The following RAB28 variants were observed in gnomAD, a reference collection of about 807,000 sequenced individuals.
The protein encoded by RAB28 is ras-related protein Rab-28.
Under a neutral mutation model 31.7 loss-of-function variants are expected in RAB28, and 24 were observed. The ratio of observed to expected loss-of-function variants is 0.76; its 90% CI spans 0.55 to 1.06. The LOEUF is 1.06. Ranked by LOEUF, RAB28 falls within the 50% of genes least tolerant of loss-of-function variation. The pLI is 0.00. For missense variants in RAB28, 254 were observed against 258.5 expected, an observed-to-expected ratio of 0.98 and a Z score of 0.12; for synonymous variants, 100 against 90.4, an observed-to-expected ratio of 1.11 and a Z score of -0.60.
intron 4 of RAB28, among the ~76,000 whole-genome samples, chr4:13,444,058 C>T (rs575531370): frequency 2.0e-5 from 3 of 149,158 alleles, no homozygotes; most frequent in East Asian, 2.0e-4. Context: ...GACGGAGTCT[C>T]GCTGTGTCAC....
chr4:13,457,758 T>C (rs1487263070), intron 4 of RAB28, among the ~76,000 whole-genome samples: 1 of 152,236 alleles, frequency 6.6e-6, no homozygotes, highest in African/African-American at 2.4e-5. Flanking sequence ...ATAGCCCATC[T>C]ACTCTAACAG....
chr4:13,429,429 A>G (rs1033495406), intron 4 of RAB28, among the ~76,000 whole-genome samples: 3 of 152,240 alleles, frequency 2.0e-5, no homozygotes, highest in Non-Finnish European at 4.4e-5. Context: ...CTAGTTCAGC[A>G]AGGTTGTAAA....
intron 4 of RAB28, among the ~76,000 whole-genome samples, chr4:13,416,693 T>C (rs1414069965): frequency 6.6e-6 from 1 of 152,232 alleles, no homozygotes; most frequent in Non-Finnish European, 1.5e-5. Flanking sequence ...TAATATTCTA[T>C]ATCTTGATAA....
rs780552021 is a variant in RAB28 at position 13,376,551 on chromosome 4, C to T, written c.567G>A (p.Gln189=). 1.2e-5 allele frequency: 19 copies of T among 1,598,796 alleles called. No individual in the cohort carries two copies. The highest frequency in any genetic ancestry group is 4.0e-5 in the African/African-American group (3 of 74,382). Reference sequence around the variant, plus strand: ...TAAAGTTCAAGGTAATCACCTGTGACTGTTCTATTTCTGCTTTGTTTAATT... The same window carrying T: ...TAAAGTTCAAGGTAATCACCTGTGATTGTTCTATTTCTGCTTTGTTTAATT... ...GIKLNKAEIE[Q]SQRVVKADIV... Residue 189 remains glutamine (Q), a synonymous_variant, in exon 6 of 7, where the codon CAG becomes CAA. Transcript: ENST00000330852.
At chr4:13,464,522 G>C (rs1715749000) in intron 3 of RAB28, among the ~76,000 whole-genome samples, 1 of 152,118 alleles carries the variant, frequency 6.6e-6, no homozygotes, top group South Asian at 2.1e-4. Context: ...AATATAGTAT[G>C]CTTCTCCTCC....
chr4:13,377,083 T>G (rs538198524), intron 5 of RAB28, among the ~76,000 whole-genome samples: 48 of 152,336 alleles, frequency 3.2e-4, no homozygotes, highest in African/African-American at 1.1e-3. Flanking sequence ...ATACTCTCTG[T>G]GCCTTTCATA....
At chr4:13,444,446 T>G (rs1714595989) in intron 4 of RAB28, among the ~76,000 whole-genome samples, 1 of 152,180 alleles carries the variant, frequency 6.6e-6, no homozygotes, top group Non-Finnish European at 1.5e-5. Context: ...ATAGGCAGAC[T>G]CCATATCTTG....
At chr4:13,460,026 T>A (rs563866319) in intron 4 of RAB28, 1 of 638,958 alleles carries the variant, frequency 1.6e-6, no homozygotes, top group African/African-American at 1.9e-5. Context: ...TCAAAACAGT[T>A]ATTGAAAAGA....
chr4:13,395,045 C>G (rs1729811660), intron 4 of RAB28, among the ~76,000 whole-genome samples: 1 of 152,100 alleles, frequency 6.6e-6, no homozygotes, highest in East Asian at 1.9e-4. Flanking sequence ...TAGAACTATG[C>G]TATCTGATTC....
At chr4:13,402,025 G>T (rs10023765) in intron 4 of RAB28, among the ~76,000 whole-genome samples, 5,620 of 152,246 alleles carry the variant, frequency 0.037, 175 homozygotes, top group African/African-American at 0.083. Context: ...TGTTTAGGAG[G>T]TGTTCAAATT....
At chr4:13,390,450 G>T (rs1729575849) in intron 4 of RAB28, among the ~76,000 whole-genome samples, 1 of 152,060 alleles carries the variant, frequency 6.6e-6, no homozygotes, top group Non-Finnish European at 1.5e-5. Context: ...TCCATGCTCA[G>T]GGATAGGAAG....
intron 4 of RAB28, among the ~76,000 whole-genome samples, chr4:13,457,480 T>C (rs1715358924): frequency 6.6e-6 from 1 of 152,176 alleles, no homozygotes; most frequent in Non-Finnish European, 1.5e-5. Context: ...AATATTTATC[T>C]ATAATCTCTT....
intron 4 of RAB28, among the ~76,000 whole-genome samples, chr4:13,392,385 G>A (rs571555295): frequency 6.6e-6 from 1 of 152,122 alleles, no homozygotes; most frequent in Non-Finnish European, 1.5e-5. Context: ...GATGACCTCT[G>A]TTATTATTTT....
chr4:13,414,192 T>C (rs1712618664), intron 4 of RAB28, among the ~76,000 whole-genome samples: 1 of 152,206 alleles, frequency 6.6e-6, no homozygotes, highest in South Asian at 2.1e-4. Flanking sequence ...GTCCAGCTGT[T>C]ATTAACTAAT....
intron 4 of RAB28, chr4:13,459,843 G>C (rs1715498460): frequency 7.8e-7 from 1 of 1,286,764 alleles, no homozygotes; most frequent in Non-Finnish European, 1.0e-6. Context: ...CAAAACCTCT[G>C]GGACAGAGCT....
chr4:13,458,209 T>C (rs1292460953), intron 4 of RAB28, among the ~76,000 whole-genome samples: 4 of 152,180 alleles, frequency 2.6e-5, no homozygotes, highest in South Asian at 2.1e-4. Flanking sequence ...TTTTATGATA[T>C]GTAATACCAT....
At chr4:13,430,882 A>G (rs1713771265) in intron 4 of RAB28, among the ~76,000 whole-genome samples, 2 of 152,128 alleles carry the variant, frequency 1.3e-5, no homozygotes, top group South Asian at 4.1e-4. Context: ...CCTTGGGACA[A>G]AGGAAACGGG....
intron 3 of RAB28, among the ~76,000 whole-genome samples, chr4:13,466,822 T>C (rs1715868181): frequency 6.6e-6 from 1 of 151,958 alleles, no homozygotes. Flanking sequence ...AAATGATGTA[T>C]ATATGCATAA....
chr4:13,393,171 T>C (rs1203022038), intron 4 of RAB28, among the ~76,000 whole-genome samples: 1 of 151,882 alleles, frequency 6.6e-6, no homozygotes, highest in Non-Finnish European at 1.5e-5. Flanking sequence ...ATAACAGGAG[T>C]ACAGAGACAG....
Sources: allele counts gnomAD v4.1 joint callset (sites outside exome capture counted in the v4.1 genomes callset), GRCh38; gene constraint gnomAD v4.1.1; transcripts MANE v1.5; gene names NCBI Gene and HGNC (gene_info 2026-07-23, HGNC 2026-07-21).